The following ACTR8 variants were observed in gnomAD, a reference collection of about 807,000 sequenced individuals.
ACTR8 encodes the protein actin-related protein 8.
ACTR8 carries 70 observed loss-of-function variants against 84.3 expected under a neutral mutation model. The ratio of observed to expected loss-of-function variants is 0.83; its 90% CI spans 0.68 to 1.01. The LOEUF is 1.01. Among genes scored for constraint, ACTR8 ranks in the 50% least tolerant of loss-of-function variants. The pLI is 0.00. For missense variants in ACTR8, 672 were observed against 775.4 expected (o/e 0.87, Z 1.58); for synonymous variants, 268 against 275.2 (o/e 0.97, Z 0.26).
the ACTR8 span, chr3:53,860,086 T>G: frequency 8.0e-7 from 1 of 1,252,010 alleles, no homozygotes; most frequent in Non-Finnish European, 1.2e-6. Context: ...AAGAGATAAG[T>G]GTGGATTTGT....
chr3:53,875,503 G>A (rs749339397), intron 7 of ACTR8, among the ~76,000 whole-genome samples: 2 of 152,170 alleles, frequency 1.3e-5, no homozygotes, highest in African/African-American at 2.4e-5. Context: ...TTACTCACCC[G>A]CAGAACACCA....
intron 9 of ACTR8, 135 bp from the exon 10 acceptor site, chr3:53,872,659 G>C: frequency 8.9e-7 from 1 of 1,124,298 alleles, no homozygotes; most frequent in East Asian, 2.7e-5. Context: ...GTTCTCTTTC[G>C]GGAGTGGCAT....
chr3:53,866,501 A>AGAC (rs1699783615), downstream of ACTR8, among the ~76,000 whole-genome samples: 1 of 150,462 alleles, frequency 6.6e-6, no homozygotes. Context: ...TTTTTTTTTG[A>AGAC]GACAGAGTTT....
At position 53,868,208 on chromosome 3, in the gene ACTR8, A is replaced by G. The variant is rs894264478; in HGVS notation, c.*511T>C. On this transcript the variant is annotated 3_prime_UTR_variant, in exon 13 of 13. Transcript: ENST00000335754. ...AATGAAAAAAAAAACAAAAACCACCAAAACTTTTTCCCCCTATTTGGGATT... is the reference window on the plus strand; with the variant it reads ...AATGAAAAAAAAAACAAAAACCACCGAAACTTTTTCCCCCTATTTGGGATT... 6.6e-6 allele frequency: 1 copy of G among 152,232 alleles called. No homozygotes were observed. Among genetic ancestry groups the G allele is most frequent in the Non-Finnish European group, 1.5e-5 (1 of 68,092 alleles). 9.4% of individuals were successfully genotyped at this position (152,232 alleles called of 1,614,324 possible).
chr3:53,868,955 G>A (rs1699840619), intron 12 of ACTR8, 93 bp from the exon 13 acceptor site: 6 of 1,478,310 alleles, frequency 4.1e-6, no homozygotes, highest in Non-Finnish European at 5.5e-6. Context: ...TCCCTGCTGA[G>A]TCAATACCTA....
At chr3:53,876,508 G>T (rs528128660) in intron 6 of ACTR8, 112 bp downstream of exon 6, 4 of 697,246 alleles carry the variant, frequency 5.7e-6, no homozygotes, top group East Asian at 3.1e-5. Flanking sequence ...GACAGAGAGA[G>T]ACTCTGTCTC....
At position 53,877,356 on chromosome 3, in the gene ACTR8, T is replaced by A; in HGVS notation, c.542A>T (p.Asn181Ile). 1 of 1,613,048 alleles carries A rather than the reference T, an allele frequency of 6.2e-7. No homozygotes were observed. The highest frequency in any genetic ancestry group is 8.5e-7 in the Non-Finnish European group (1 of 1,179,696). Residue 181 changes from asparagine to isoleucine, a missense_variant, in exon 5 of 13, where the codon AAT (asparagine) becomes ATT (isoleucine). Transcript: ENST00000335754. Reference sequence around the variant, plus strand: ...ACCTCTTCTGATAGGCCAGTGAATATTGTAACAGTCCAGTGGATTAACATA... The same window carrying A: ...ACCTCTTCTGATAGGCCAGTGAATAATGTAACAGTCCAGTGGATTAACATA... ...ALYVNPLDCY[N>I]IHWPIRRGQL...
intron 1 of ACTR8, chr3:53,881,762 C>G (rs1700064489): frequency 8.6e-6 from 6 of 701,144 alleles, no homozygotes; most frequent in African/African-American, 3.6e-5. Flanking sequence ...AGCGGTGTCC[C>G]TGCGGGGGCT....
At chr3:53,866,395 A>G (rs191166156), downstream of ACTR8, among the ~76,000 whole-genome samples, 3 of 152,178 alleles carry the variant, frequency 2.0e-5, no homozygotes, top group South Asian at 2.1e-4. Context: ...AAACAAACGA[A>G]AAAACCCCCA....
chr3:53,878,393 G>GCTTTTTA lies in ACTR8; in HGVS notation c.368_369insTAAAAAG (p.Asn124LysfsTer13). The GCTTTTTA allele has an allele frequency of 6.2e-7, 1 of 1,613,250 alleles. No individual in the cohort carries two copies. Among genetic ancestry groups the GCTTTTTA allele is most frequent in the Admixed American group, 1.7e-5 (1 of 59,878 alleles). ...ACACAGGAATGCGTCTTGTACCATTGGACATCTTTTTAGACCATATTGCTT... is the reference window on the plus strand; with the variant it reads ...ACACAGGAATGCGTCTTGTACCATTGCTTTTTAGACATCTTTTTAGACCATATTGCTT... On this transcript the variant is annotated frameshift_variant, in exon 3 of 13. Transcript: ENST00000335754. LOFTEE classifies it high-confidence loss of function.
At chr3:53,862,496 A>G (rs953905229), downstream of ACTR8, among the ~76,000 whole-genome samples, 10 of 152,228 alleles carry the variant, frequency 6.6e-5, no homozygotes, top group Non-Finnish European at 1.2e-4. Context: ...CAGGATTTAC[A>G]ACAGAGCCAA....
Position 53,877,556 on chromosome 3 carries a change from G to T in ACTR8, c.510+91C>A, listed in dbSNP as rs547627617. ...TCAAAGCAGGGTTATAGAACGCTAG[G>T]AAACAACTAGGACTGGGTGGCAACG... On this transcript the variant is annotated intron_variant, in intron 4 of 12. Coordinates refer to ENST00000335754, the MANE Select transcript of ACTR8 (RefSeq NM_022899.5). 9 of 1,401,766 alleles carry T rather than the reference G, an allele frequency of 6.4e-6. No individual in the cohort carries two copies. In the South Asian group the frequency reaches 1.0e-4, roughly 16 times the overall value. The allele number at this position is 1,401,766 out of a possible 1,614,324, so 86.8% of individuals were successfully genotyped here. A position where few individuals can be genotyped will look rare whatever the true frequency, so the allele number is the denominator to read the frequency against.
chr3:53,866,307 C>G (rs1448943151), downstream of ACTR8, among the ~76,000 whole-genome samples: 1 of 151,982 alleles, frequency 6.6e-6, no homozygotes, highest in East Asian at 1.9e-4. Context: ...TCACTTGAGC[C>G]CTGGAGGTCA....
At chr3:53,880,240 G>A in intron 1 of ACTR8, 131 bp from the exon 2 acceptor site, 1 of 958,280 alleles carries the variant, frequency 1.0e-6, no homozygotes, top group Non-Finnish European at 1.5e-6. Context: ...AAAGTTCTTT[G>A]AGAAGTATCC....
rs776724727 is a variant in ACTR8, at chr3:53,877,320, A to G, written c.578T>C (p.Ile193Thr). 1 of 1,614,100 alleles carries G rather than the reference A, an allele frequency of 6.2e-7. No individual in the cohort carries two copies. Among genetic ancestry groups the G allele is most frequent in the East Asian group, 2.2e-5 (1 of 44,884 alleles). ...AAGAGAGCCCCCAGGGCCTGGGTGA[A>G]TATTTAACTGACCTCTTCTGATAGG... ...HWPIRRGQLN[I>T]HPGPGGSLTA... is the part of the protein sequence containing the mutation. The change falls in exon 5 of 13, where the codon ATT (isoleucine) becomes ACT (threonine). Residue 193 changes from isoleucine (I) to threonine (T), a missense_variant. Physicochemically the swap from Ile to Thr is moderately conservative, Grantham distance 89. Transcript: ENST00000335754.
chr3:53,874,508 T>C, intron 7 of ACTR8, 144 bp from the exon 8 acceptor site: 1 of 780,654 alleles, frequency 1.3e-6, no homozygotes, highest in East Asian at 3.1e-5. Context: ...GCAGATCACT[T>C]GAGGCCAGGA....
At chr3:53,877,172 GA>G (rs1559794444) in intron 5 of ACTR8, 41 bp downstream of exon 5, 1 of 1,531,782 alleles carries the variant, frequency 6.5e-7, no homozygotes. Flanking sequence ...CATTGACCAA[GA>G]ATCTTAAAAA....
rs11429031 is a variant in ACTR8, at chr3:53,869,266, G to GT, written c.1732-405dup. On this transcript the variant is annotated intron_variant, in intron 12 of 12. Transcript: ENST00000335754. The stretch of plus-strand genomic sequence containing the variant: ...ACTGCACTCCAGCCTGGGTGACAGA[G>GT]TGAGACTCCGTCTCAAAAAAAGACA... Among the ~76,000 whole-genome samples, 388 of 152,318 alleles carry GT rather than the reference G, an allele frequency of 2.5e-3. 2 individuals are homozygous for GT. The highest frequency in any genetic ancestry group is 8.7e-3 in the African/African-American group (360 of 41,576).
At position 53,877,105 on chromosome 3, in the gene ACTR8, G is replaced by A. The variant is rs561013560; in HGVS notation, c.684+109C>T. The A allele has an allele frequency of 3.7e-4, 407 of 1,100,390 alleles. 2 individuals carry two copies. The highest frequency in any genetic ancestry group is 4.7e-4 in the Non-Finnish European group (378 of 798,942). The allele number at this position is 1,100,390 out of a possible 1,614,324, so 68.2% of individuals were successfully genotyped here. On this transcript the variant is annotated intron_variant, in intron 5 of 12. Transcript: ENST00000335754. ...GCCACCAAGAATCCTCACCCTGAAG[G>A]TCAAGAATGTTTCAAGAAGGACACT... is the stretch of plus-strand genomic sequence containing the variant.
Sources: allele counts gnomAD v4.1 joint callset (sites outside exome capture counted in the v4.1 genomes callset), GRCh38; gene constraint gnomAD v4.1.1; transcripts MANE v1.5; gene names NCBI Gene and HGNC (gene_info 2026-07-23, HGNC 2026-07-21).